CEACAM6: variants seen among roughly 807,000 people sequenced by gnomAD.
CEACAM6 encodes cell adhesion molecule CEACAM6.
In CEACAM6, 21 loss-of-function variants were observed where a neutral mutation model predicts 32.4. That is an observed-to-expected ratio of 0.65 (90% confidence interval 0.46 to 0.93). CEACAM6 has a LOEUF of 0.93. Ranked by LOEUF, CEACAM6 falls within the 40% of genes least tolerant of loss-of-function variation. The pLI is 0.00. For missense variants in CEACAM6, 406 were observed against 432.2 expected, an observed-to-expected ratio of 0.94 and a Z score of 0.54; for synonymous variants, 184 against 174.4, an observed-to-expected ratio of 1.06 and a Z score of -0.43.
intron 5 of CEACAM6, among the ~76,000 whole-genome samples, chr19:41,767,060 A>T (rs1317968736): frequency 6.6e-6 from 1 of 151,570 alleles, no homozygotes; most frequent in African/African-American, 2.4e-5. Context: ...CTACTAGTTA[A>T]GTTCAAATTT....
Position 41,761,178 on chromosome 19 carries a change from C to T in CEACAM6, c.425-71C>T, listed in dbSNP as rs550075849. The T allele has an allele frequency of 3.7e-6, 6 of 1,607,574 alleles. No individual in the cohort carries two copies. In the South Asian group the frequency reaches 5.5e-5, roughly 15 times the overall value. On this transcript the variant is annotated intron_variant, in intron 2 of 5. Transcript: ENST00000199764. ...GGCTGAGAGGTGAGAGATGCCAACT[C>T]TGATTGAAAGATGCCTGTGGAGGAA... is the stretch of plus-strand genomic sequence containing the variant.
chr19:41,755,804 T>C (rs2072881713), intron 1 of CEACAM6, 102 bp downstream of exon 1: 1 of 912,686 alleles, frequency 1.1e-6, no homozygotes, highest in East Asian at 2.9e-5. Context: ...AGAGGGCTTT[T>C]GTTGAAGCCT....
At chr19:41,768,239 C>T (rs1440215256) in intron 5 of CEACAM6, among the ~76,000 whole-genome samples, 1 of 152,136 alleles carries the variant, frequency 6.6e-6, no homozygotes, top group Non-Finnish European at 1.5e-5. Context: ...AGGCAGAGGA[C>T]CCTGCGGCCT....
chr19:41,766,781 C>T (rs188894433), intron 5 of CEACAM6, among the ~76,000 whole-genome samples: 246 of 152,066 alleles, frequency 1.6e-3, no homozygotes, highest in Admixed American at 4.4e-3. Context: ...CCGAGGTGGG[C>T]GGATCATGAG....
In CEACAM6 at chr19:41,755,679, C is replaced by A; in HGVS notation, c.41C>A (p.Pro14His). Residue 14 changes from proline (P) to histidine (H), a missense_variant, in exon 1 of 6, where the codon CCC (proline) becomes CAC (histidine). Physicochemically the swap from Pro to His is moderately conservative, Grantham distance 77. Transcript: ENST00000199764. The part of the protein sequence containing the change: ...PSAPPCRLHV[P>H]WKEVLLTASL... ...GCCCCTCCCTGCAGATTGCATGTCC[C>A]CTGGAAGGAGGTCCTGCTCACAGGT... 1 of 1,605,442 alleles carries A rather than the reference C, an allele frequency of 6.2e-7. No individual in the cohort carries two copies. Among genetic ancestry groups the A allele is most frequent in the Non-Finnish European group, 8.5e-7 (1 of 1,176,540 alleles).
intron 5 of CEACAM6, among the ~76,000 whole-genome samples, chr19:41,769,535 G>A (rs1249204870): frequency 6.6e-6 from 1 of 151,824 alleles, no homozygotes; most frequent in Non-Finnish European, 1.5e-5. Context: ...AAATTTTGTG[G>A]ATTCTTTGTT....
Position 41,761,473 on chromosome 19 carries a change from A to G in CEACAM6, c.649A>G (p.Ile217Val), listed in dbSNP as rs782389697. 8 of 1,614,202 alleles carry G rather than the reference A, an allele frequency of 5.0e-6. No individual in the cohort carries two copies. The East Asian group carries it at 1.1e-4, about 22-fold the overall frequency. ...RNDAGSYECE[I>V]QNPASANRSD... ...CGATGCAGGATCCTATGAATGTGAA[A>G]TACAGAACCCAGCGAGTGCCAACCG... is the stretch of plus-strand genomic sequence containing the variant. Residue 217 changes from isoleucine to valine, a missense_variant, in exon 3 of 6, where the codon ATA (isoleucine) becomes GTA (valine). Ile to Val is a conservative substitution (Grantham distance 29). Coordinates refer to ENST00000199764, the MANE Select transcript of CEACAM6 (RefSeq NM_002483.7).
In CEACAM6 at chr19:41,755,650, C is replaced by G; in HGVS notation, c.12C>G (p.Pro4=). The change falls in exon 1 of 6, where the codon CCC becomes CCG. Residue 4 remains proline (P), a synonymous_variant. Coordinates refer to ENST00000199764, the MANE Select transcript of CEACAM6 (RefSeq NM_002483.7). MGP[P]SAPPCRLHVP... ...AGACAGCAGAGACCATGGGACCCCC[C>G]TCAGCCCCTCCCTGCAGATTGCATG... 1 of 1,610,500 alleles carries G rather than the reference C, an allele frequency of 6.2e-7. No homozygotes were observed. The highest frequency in any genetic ancestry group is 8.5e-7 in the Non-Finnish European group (1 of 1,178,406).
chr19:41,767,000 C>A (rs1555822456), intron 5 of CEACAM6, among the ~76,000 whole-genome samples: 2 of 111,308 alleles, frequency 1.8e-5, no homozygotes, highest in African/African-American at 6.5e-5. Context: ...TGCAAGACTC[C>A]GTCTCAAAAA....
intron 1 of CEACAM6, 21 bp downstream of exon 1, chr19:41,755,723 G>A: frequency 6.3e-7 from 1 of 1,587,238 alleles, no homozygotes; most frequent in Non-Finnish European, 8.6e-7. Flanking sequence ...GACTCCCTCG[G>A]AGTGGATGGG....
chr19:41,760,458 G>A (rs1184414512), intron 2 of CEACAM6, among the ~76,000 whole-genome samples: 1 of 152,112 alleles, frequency 6.6e-6, no homozygotes, highest in Non-Finnish European at 1.5e-5. Flanking sequence ...TTTATGGAGA[G>A]AGCCACAGGG....
intron 4 of CEACAM6, among the ~76,000 whole-genome samples, chr19:41,763,050 G>A (rs2072936344): frequency 1.3e-5 from 2 of 152,196 alleles, no homozygotes; most frequent in South Asian, 4.2e-4. Context: ...GGCAGGGAAG[G>A]GGCAGTGACA....
chr19:41,756,475 C>CACAT, intron 1 of CEACAM6, 125 bp from the exon 2 acceptor site: 1 of 1,399,640 alleles, frequency 7.1e-7, no homozygotes, highest in Non-Finnish European at 9.5e-7. Context: ...CACACACACA[C>CACAT]ACACACACAC....
rs1555823013 is a variant in CEACAM6, at chr19:41,771,881, A to G, written c.*1120A>G. ...TTGAGCCAGTGGTGCTAAATGCTAC[A>G]TACTCCAACTGAAATGTTAAGGAAG... On this transcript the variant is annotated 3_prime_UTR_variant, in exon 6 of 6. Transcript: ENST00000199764. The G allele has an allele frequency of 6.6e-6, 1 of 152,160 alleles. No homozygotes were observed. Among genetic ancestry groups the G allele is most frequent in the African/African-American group, 2.4e-5 (1 of 41,424 alleles). The allele number at this position is 152,160 out of a possible 1,614,324, so 9.4% of individuals were successfully genotyped here.
intron 2 of CEACAM6, among the ~76,000 whole-genome samples, chr19:41,759,447 T>C (rs964265585): frequency 6.6e-6 from 1 of 152,222 alleles, no homozygotes; most frequent in African/African-American, 2.4e-5. Flanking sequence ...CTAAATTTAC[T>C]AACATAACAC....
chr19:41,756,360 G>C (rs1481148798), intron 1 of CEACAM6, among the ~76,000 whole-genome samples: 1 of 151,946 alleles, frequency 6.6e-6, no homozygotes, highest in Non-Finnish European at 1.5e-5. Flanking sequence ...GAGCCATGCA[G>C]ACCCCTGGGG....
Position 41,761,498 on chromosome 19 carries a change from G to T in CEACAM6, c.674G>T (p.Arg225Leu), listed in dbSNP as rs144169216. ...ATACAGAACCCAGCGAGTGCCAACC[G>T]CAGTGACCCAGTCACCCTGAATGTC... ...CEIQNPASAN[R>L]SDPVTLNVLY... Residue 225 changes from arginine (R) to leucine (L), a missense_variant, in exon 3 of 6, where the codon CGC (arginine) becomes CTC (leucine). Arg to Leu is a moderately radical substitution (Grantham distance 102). Transcript: ENST00000199764. The T allele has an allele frequency of 1.9e-6, 3 of 1,614,154 alleles. No individual in the cohort carries two copies. The highest frequency in any genetic ancestry group is 1.1e-5 in the South Asian group (1 of 91,082).
intron 4 of CEACAM6, among the ~76,000 whole-genome samples, chr19:41,764,758 G>A (rs1406365227): frequency 1.3e-5 from 2 of 151,804 alleles, no homozygotes; most frequent in African/African-American, 4.8e-5. Flanking sequence ...AATTCTTATT[G>A]TTTCCTTCAT....
intron 5 of CEACAM6, among the ~76,000 whole-genome samples, chr19:41,770,136 G>T (rs1178503108): frequency 2.0e-5 from 3 of 151,470 alleles, no homozygotes; most frequent in East Asian, 3.9e-4. Flanking sequence ...CCCAGGCTGG[G>T]CACAGTAGCT....
Sources: allele counts gnomAD v4.1 joint callset (sites outside exome capture counted in the v4.1 genomes callset), GRCh38; gene constraint gnomAD v4.1.1; transcripts MANE v1.5; gene names NCBI Gene and HGNC (gene_info 2026-07-23, HGNC 2026-07-21).